TMEM178A: variants seen among roughly 807,000 people sequenced by gnomAD.
TMEM178A encodes transmembrane protein 178A.
Under a neutral mutation model 29.1 loss-of-function variants are expected in TMEM178A, and 12 were observed. That is an observed-to-expected ratio of 0.41 (90% CI 0.26 to 0.67). The LOEUF (loss-of-function observed/expected upper bound fraction) is 0.67, where lower values mean the gene tolerates loss of function less well. TMEM178A is among the 30% of genes least tolerant of loss of function. The probability of loss-of-function intolerance (pLI) is 0.29; values close to 1 mark genes in which losing one functional copy is unlikely to be tolerated. For missense variants in TMEM178A, 366 were observed against 419.1 expected (o/e 0.87, Z 1.11); for synonymous variants, 210 against 187.2 (o/e 1.12, Z -0.99).
At chr2:39,672,931 T>C (rs947235342) in intron 1 of TMEM178A, among the ~76,000 whole-genome samples, 4 of 152,122 alleles carry the variant, frequency 2.6e-5, no homozygotes, top group African/African-American at 9.7e-5. Flanking sequence ...CAATGCTAAG[T>C]GTGAAATGCC....
intron 3 of TMEM178A, among the ~76,000 whole-genome samples, chr2:39,712,762 G>A (rs1411043140): frequency 6.6e-6 from 1 of 152,092 alleles, no homozygotes; most frequent in East Asian, 1.9e-4. Flanking sequence ...AGAGAAGAAT[G>A]GAGGAGAGGC....
intron 1 of TMEM178A, among the ~76,000 whole-genome samples, chr2:39,693,564 G>A (rs1285243862): frequency 6.6e-6 from 1 of 152,194 alleles, no homozygotes; most frequent in Non-Finnish European, 1.5e-5. Flanking sequence ...TTTCTCCTGA[G>A]TTGGAGAGAA....
intron 1 of TMEM178A, among the ~76,000 whole-genome samples, chr2:39,685,134 C>A (rs1193412338): frequency 6.6e-6 from 1 of 152,110 alleles, no homozygotes; most frequent in Admixed American, 6.6e-5. Context: ...ATTGGGGTTC[C>A]CAATAGAGAG....
At chr2:39,666,475 G>T in intron 1 of TMEM178A, 101 bp downstream of exon 1, 2 of 1,025,438 alleles carry the variant, frequency 2.0e-6, no homozygotes, top group African/African-American at 1.7e-5. Flanking sequence ...TCCCAGCCGC[G>T]GCCCCGCGCC....
chr2:39,687,238 G>T (rs1365560956), intron 1 of TMEM178A: 1 of 166,968 alleles, frequency 6.0e-6, no homozygotes, highest in Non-Finnish European at 1.5e-5. Flanking sequence ...GCACCTGATA[G>T]TTATTTGGAC....
chr2:39,666,198 G>C lies in TMEM178A; in HGVS notation c.224G>C (p.Arg75Pro), dbSNP rs1381803964. 3.5e-6 allele frequency: 5 copies of C among 1,414,870 alleles called. No homozygotes were observed. The highest frequency in any genetic ancestry group is 3.7e-6 in the Non-Finnish European group (4 of 1,089,794). 87.6% of individuals were successfully genotyped at this position (1,414,870 alleles called of 1,614,324 possible). The change falls in exon 1 of 4, where the codon CGC becomes CCC. Residue 75 changes from arginine to proline, a missense_variant. Physicochemically the swap from Arg to Pro is moderately radical, Grantham distance 103 (BLOSUM62 -2). Around this residue, in one of 2 missense-constraint regions of TMEM178A, gnomAD observed 247 missense variants for 246.8 expected, o/e 1.00. Transcript: ENST00000281961. The stretch of plus-strand genomic sequence containing the variant: ...CTGCGGGACTCGCCCCCGCTGGGGC[G>C]CCGGCTGCTCCCGGGCGGCCCGGGG... ...LPLRDSPPLG[R>P]RLLPGGPGRA... is the part of the protein sequence containing the mutation.
chr2:39,734,688 T>C, the TMEM178A span, among the ~76,000 whole-genome samples: 1 of 152,218 alleles, frequency 6.6e-6, no homozygotes, highest in Non-Finnish European at 1.5e-5. Flanking sequence ...TCTAGACTAG[T>C]CTAAATTAGA....
chr2:39,671,326 T>C (rs981057615), intron 1 of TMEM178A, among the ~76,000 whole-genome samples: 1 of 152,196 alleles, frequency 6.6e-6, no homozygotes, highest in African/African-American at 2.4e-5. Context: ...CAGAAATAGA[T>C]TGATGATTTT....
At chr2:39,703,821 G>A (rs1204642622) in intron 1 of TMEM178A, among the ~76,000 whole-genome samples, 1 of 152,152 alleles carries the variant, frequency 6.6e-6, no homozygotes, top group East Asian at 1.9e-4. Flanking sequence ...TGCTCCTTAA[G>A]GAGTTTTGTG....
At chr2:39,682,957 AGCCCAT>A (rs1670931464) in intron 1 of TMEM178A, among the ~76,000 whole-genome samples, 1 of 152,210 alleles carries the variant, frequency 6.6e-6, no homozygotes, top group Non-Finnish European at 1.5e-5. Context: ...CTAACATGAC[AGCCCAT>A]TACCACCTCC....
intron 1 of TMEM178A, among the ~76,000 whole-genome samples, chr2:39,703,423 C>T (rs1671882124): frequency 6.6e-6 from 1 of 152,030 alleles, no homozygotes; most frequent in Admixed American, 6.6e-5. Flanking sequence ...TACACCTGCC[C>T]ATATCAAAAT....
At chr2:39,706,424 T>C (rs1166115488) in intron 2 of TMEM178A, among the ~76,000 whole-genome samples, 1 of 152,236 alleles carries the variant, frequency 6.6e-6, no homozygotes, top group Non-Finnish European at 1.5e-5. Flanking sequence ...GTGTGCACTT[T>C]ACACCACTGT....
chr2:39,707,309 A>C, intron 3 of TMEM178A, 123 bp downstream of exon 3: 9 of 1,253,438 alleles, frequency 7.2e-6, no homozygotes, highest in Non-Finnish European at 9.7e-6. Flanking sequence ...AAGCAACCAG[A>C]AGGTCATTTT....
Position 39,665,958 on chromosome 2 carries a change from C to A in TMEM178A, c.-17C>A, listed in dbSNP as rs1670128319. The A allele has an allele frequency of 1.5e-6, 2 of 1,337,612 alleles. No individual in the cohort carries two copies. Among genetic ancestry groups the A allele is most frequent in the African/African-American group, 3.1e-5 (2 of 65,056 alleles). The allele number at this position is 1,337,612 out of a possible 1,614,324, so 82.9% of individuals were successfully genotyped here. ...CGGCGCGCGAGCCCACCGGCGGCTG[C>A]GGCGGGGCGGGAAGCCATGGAGCCG... On this transcript the variant is annotated 5_prime_UTR_variant, in exon 1 of 4. Coordinates refer to ENST00000281961, the MANE Select transcript of TMEM178A (RefSeq NM_152390.3).
chr2:39,711,674 T>C (rs1672308322), intron 3 of TMEM178A, among the ~76,000 whole-genome samples: 1 of 152,194 alleles, frequency 6.6e-6, no homozygotes, highest in African/African-American at 2.4e-5. Context: ...GACTCAACCA[T>C]GGTAGGTGTA....
At chr2:39,682,449 A>G (rs1427244562) in intron 1 of TMEM178A, among the ~76,000 whole-genome samples, 1 of 151,724 alleles carries the variant, frequency 6.6e-6, no homozygotes, top group African/African-American at 2.4e-5. Flanking sequence ...TAAATATCGT[A>G]TGCTTCTGCT....
chr2:39,723,892 A>G, the TMEM178A span, among the ~76,000 whole-genome samples: 1 of 152,194 alleles, frequency 6.6e-6, no homozygotes, highest in Admixed American at 6.5e-5. Flanking sequence ...CATGTTATAC[A>G]TCTAGATAGG....
the TMEM178A span, among the ~76,000 whole-genome samples, chr2:39,728,805 T>C: frequency 2.6e-5 from 4 of 152,118 alleles, no homozygotes; most frequent in Admixed American, 2.6e-4. Flanking sequence ...TAAAGATGTA[T>C]GTAAGGCTTA....
chr2:39,677,237 C>T (rs1335407462), intron 1 of TMEM178A, among the ~76,000 whole-genome samples: 2 of 152,062 alleles, frequency 1.3e-5, no homozygotes, highest in Non-Finnish European at 2.9e-5. Context: ...CTCCCTTCAC[C>T]CCCACTCCTC....
Sources: gnomAD v4.1 joint callset for allele counts (sites outside exome capture counted in the v4.1 genomes callset) on GRCh38, gnomAD v4.1.1 for gene constraint, gnomAD v4.1.1 regional missense constraint, MANE v1.5 for transcripts, NCBI Gene and HGNC (gene_info 2026-07-23, HGNC 2026-07-21) for gene names.